URI1: variants seen among roughly 807,000 people sequenced by gnomAD.
URI1 encodes the protein URI1 prefoldin like chaperone, also known as unconventional prefoldin RPB5 interactor 1.
Under a neutral mutation model 60.2 loss-of-function variants are expected in URI1, and 39 were observed. The observed-to-expected ratio is 0.65, with a 90% CI of 0.50 to 0.85. The LOEUF is 0.85. Among genes scored for constraint, URI1 ranks in the 40% least tolerant of loss-of-function variants. The pLI, the probability that URI1 is intolerant of heterozygous loss-of-function variation, is 0.00. For missense variants in URI1, 691 were observed against 665.9 expected (o/e 1.04, Z -0.42); for synonymous variants, 251 against 236.8 (o/e 1.06, Z -0.55).
intron 10 of URI1, among the ~76,000 whole-genome samples, chr19:30,013,297 A>G (rs2056046261): frequency 6.6e-6 from 1 of 152,184 alleles, no homozygotes. Flanking sequence ...CATATATATA[A>G]CCTTATCTAA....
chr19:29,991,583 A>G lies in URI1; in HGVS notation c.367+5166A>G, dbSNP rs200633791. Among the ~76,000 whole-genome samples the G allele has an allele frequency of 3.9e-5, 6 of 152,130 alleles. No homozygotes were observed. In the East Asian group the frequency reaches 1.2e-3, roughly 29 times the overall value. ...TTTTTTATTCCTTTCCAAGGTGTAT[A>G]CACTTCATTTCTTTTTCTTGCCTTA... is the stretch of plus-strand genomic sequence containing the variant. On this transcript the variant is annotated intron_variant, in intron 4 of 10. Coordinates refer to ENST00000392271, the MANE Select transcript of URI1 (RefSeq NM_003796.3).
At chr19:29,955,870 C>T (rs1217917634) in intron 1 of URI1, among the ~76,000 whole-genome samples, 3 of 152,056 alleles carry the variant, frequency 2.0e-5, no homozygotes, top group Middle Eastern at 3.4e-3. Flanking sequence ...GGATTACAGG[C>T]GTGAGCCACC....
At chr19:29,997,304 A>G (rs752804498) in intron 4 of URI1, among the ~76,000 whole-genome samples, 36 of 152,180 alleles carry the variant, frequency 2.4e-4, no homozygotes, top group African/African-American at 7.0e-4. Context: ...GAATTTGTCT[A>G]TTTTATCTAA....
intron 1 of URI1, among the ~76,000 whole-genome samples, chr19:29,968,271 A>G (rs999629949): frequency 4.6e-5 from 7 of 152,118 alleles, no homozygotes; most frequent in Admixed American, 2.0e-4. Flanking sequence ...ATGTTTTGGC[A>G]GGTTTAAAAA....
At chr19:30,012,835 A>T (rs2145454505) in intron 10 of URI1, 1 of 239,328 alleles carries the variant, frequency 4.2e-6, no homozygotes, top group Non-Finnish European at 8.1e-6. Context: ...ATTTTAAATA[A>T]ATTACCAGTA....
At chr19:29,958,819 G>T (rs531592477) in intron 1 of URI1, among the ~76,000 whole-genome samples, 3 of 151,930 alleles carry the variant, frequency 2.0e-5, no homozygotes, top group Admixed American at 1.3e-4. Flanking sequence ...AATAAGCTGG[G>T]TGTGGTGGCG....
intron 1 of URI1, chr19:29,958,198 T>C (rs184202966): frequency 1.3e-5 from 2 of 151,798 alleles, no homozygotes; most frequent in East Asian, 3.9e-4. Context: ...TTCATTCCAG[T>C]TCTTAAGTTT....
At chr19:30,007,356 T>G in intron 6 of URI1, 114 bp from the exon 7 acceptor site, 1 of 1,174,934 alleles carries the variant, frequency 8.5e-7, no homozygotes, top group Non-Finnish European at 1.2e-6. Context: ...TTAAAAATTG[T>G]GACCCCTCTG....
rs773357097 is a variant in URI1, at chr19:30,007,602, T to G, written c.650T>G (p.Leu217Arg). Residue 217 changes from leucine to arginine, a missense_variant, in exon 7 of 11, where the codon CTA becomes CGA. By Grantham distance (102) the Leu-to-Arg change is moderately radical. Transcript: ENST00000392271. ...DKELWARLEELERQEELLGEL... is the reference protein window; with the variant it reads ...DKELWARLEERERQEELLGEL... ...GAACTGTGGGCTCGACTTGAAGAAC[T>G]AGAGAGACAGGAAGAATTGCTGGGT... is the stretch of plus-strand genomic sequence containing the variant. The G allele has an allele frequency of 1.2e-6, 2 of 1,610,986 alleles. No individual in the cohort carries two copies. Among genetic ancestry groups the G allele is most frequent in the South Asian group, 1.1e-5 (1 of 90,698 alleles).
At chr19:29,998,155 T>C (rs1466112849) in intron 4 of URI1, among the ~76,000 whole-genome samples, 2 of 152,240 alleles carry the variant, frequency 1.3e-5, no homozygotes, top group Non-Finnish European at 1.5e-5. Context: ...CTTCTATTAA[T>C]GATTTTTAAT....
chr19:29,961,719 C>CT (rs1374115170), intron 1 of URI1, among the ~76,000 whole-genome samples: 1 of 134,336 alleles, frequency 7.4e-6, no homozygotes, highest in Non-Finnish European at 1.6e-5. Flanking sequence ...GAGTTTCACT[C>CT]TTGTTGCCCA....
intron 10 of URI1, chr19:30,014,152 T>G (rs2040862603): frequency 6.6e-6 from 1 of 152,134 alleles, no homozygotes; most frequent in Admixed American, 6.5e-5. Flanking sequence ...TTTCCAGCAA[T>G]TTATGCACAT....
At chr19:29,946,577 T>A (rs1010418257) in intron 1 of URI1, among the ~76,000 whole-genome samples, 10 of 152,232 alleles carry the variant, frequency 6.6e-5, no homozygotes, top group Admixed American at 1.3e-4. Context: ...AATTTTGGAA[T>A]AGCTTATACT....
At chr19:29,987,375 G>A (rs761913100) in intron 4 of URI1, among the ~76,000 whole-genome samples, 1 of 152,082 alleles carries the variant, frequency 6.6e-6, no homozygotes, top group Non-Finnish European at 1.5e-5. Context: ...TATATTTGGA[G>A]ACTCTAATTG....
intron 4 of URI1, among the ~76,000 whole-genome samples, chr19:29,989,849 TTTCATTCTCTTAACAGTGTC>T (rs1332574163): frequency 1.3e-5 from 2 of 152,198 alleles, no homozygotes; most frequent in Non-Finnish European, 1.5e-5. Flanking sequence ...CATCTTGTCT[TTTCATTCTCTTAACAGTGTC>T]TTTCCAGAGC....
chr19:30,014,458 T>C (rs2056060359), intron 10 of URI1, among the ~76,000 whole-genome samples: 1 of 152,190 alleles, frequency 6.6e-6, no homozygotes, highest in Non-Finnish European at 1.5e-5. Flanking sequence ...AGCTATTGGC[T>C]AGCAGGCAGC....
In URI1 at chr19:30,012,424, A is replaced by T; in HGVS notation, c.1318A>T (p.Ser440Cys). The T allele has an allele frequency of 6.2e-7, 1 of 1,614,174 alleles. No individual in the cohort carries two copies. Among genetic ancestry groups the T allele is most frequent in the Non-Finnish European group, 8.5e-7 (1 of 1,180,024 alleles). Residue 440 changes from serine (S) to cysteine (C), a missense_variant, in exon 10 of 11, where the codon AGT becomes TGT. Ser to Cys is a moderately radical substitution (Grantham distance 112). Transcript: ENST00000392271. ...EFDDRRGVLR[S>C]ISCEEATCSD... ...TGATGATAGGCGGGGAGTTTTGAGG[A>T]GTATCAGCTGCGAAGAAGCCACTTG...
intron 4 of URI1, among the ~76,000 whole-genome samples, chr19:29,989,379 C>G (rs1040419667): frequency 4.7e-5 from 7 of 149,370 alleles, no homozygotes; most frequent in Non-Finnish European, 8.9e-5. Context: ...TCTGAAAGTG[C>G]TGCGATTACA....
intron 8 of URI1, among the ~76,000 whole-genome samples, chr19:30,010,226 G>GT (rs2056000660): frequency 6.6e-6 from 1 of 152,108 alleles, no homozygotes; most frequent in Non-Finnish European, 1.5e-5. Context: ...AGGGTCTGTG[G>GT]TATCATTCTT....
Sources: allele counts gnomAD v4.1 joint callset (sites outside exome capture counted in the v4.1 genomes callset), GRCh38; gene constraint gnomAD v4.1.1; transcripts MANE v1.5; gene names NCBI Gene and HGNC (gene_info 2026-07-23, HGNC 2026-07-21).